The following NTRK3 variants were observed in gnomAD, a reference collection of about 807,000 sequenced individuals.
NTRK3 encodes NT-3 growth factor receptor.
NTRK3 carries 24 observed loss-of-function variants against 91.7 expected under a neutral mutation model. The ratio of observed to expected loss-of-function variants is 0.26; its 90% CI spans 0.19 to 0.37. The LOEUF (loss-of-function observed/expected upper bound fraction) is 0.37, where lower values mean the gene tolerates loss of function less well. NTRK3 is among the 10% of genes least tolerant of loss of function. NTRK3 has a pLI of 1.00. For synonymous variants in NTRK3, 483 were observed against 404.0 expected (o/e 1.20, Z -2.34); for missense variants, 880 against 1,068.9 (o/e 0.82, Z 2.46).
chr15:88,154,152 C>G (rs1312296093), intron 5 of NTRK3, among the ~76,000 whole-genome samples: 1 of 147,202 alleles, frequency 6.8e-6, no homozygotes, highest in African/African-American at 2.5e-5. Context: ...AAGGATGAAA[C>G]TAGCAGCCTA....
chr15:88,000,418 T>C (rs569137674), intron 14 of NTRK3, among the ~76,000 whole-genome samples: 30 of 152,234 alleles, frequency 2.0e-4, no homozygotes, highest in Middle Eastern at 6.8e-3. Flanking sequence ...GGAAATATAA[T>C]TCACAAAACA....
chr15:87,899,916 C>G (rs1291187904), intron 17 of NTRK3, among the ~76,000 whole-genome samples: 1 of 152,154 alleles, frequency 6.6e-6, no homozygotes, highest in Non-Finnish European at 1.5e-5. Flanking sequence ...TTAGCCTTCT[C>G]ACACACCTAA....
Position 88,236,236 on chromosome 15 carries a change from A to G in NTRK3, c.248+19670T>C, listed in dbSNP as rs78183556. 3.6e-3 allele frequency among the ~76,000 whole-genome samples: 552 copies of G among 152,360 alleles called. 2 individuals are homozygous for G. Among genetic ancestry groups the G allele is most frequent in the East Asian group, 0.018 (95 of 5,192 alleles). The stretch of plus-strand genomic sequence containing the variant: ...TAAATTCAGGTTACCCATACAATGT[A>G]ATATCACTTAGCAATAAAAAGGAAC... On this transcript the variant is annotated intron_variant, in intron 3 of 18. Coordinates refer to ENST00000394480, the Ensembl canonical transcript of NTRK3.
intron 13 of NTRK3, among the ~76,000 whole-genome samples, chr15:88,044,582 C>G (rs1165483822): frequency 2.0e-5 from 3 of 148,468 alleles, no homozygotes; most frequent in African/African-American, 5.0e-5. Context: ...CCCCCCCACC[C>G]CACCACCACC....
At chr15:88,123,630 A>G (rs1170779680) in intron 13 of NTRK3, among the ~76,000 whole-genome samples, 2 of 152,224 alleles carry the variant, frequency 1.3e-5, no homozygotes, top group Admixed American at 1.3e-4. Context: ...CTGGGCCACA[A>G]CTTGGTTTTA....
rs1460640235 is a variant in NTRK3 at position 88,234,871 on chromosome 15, C to G, written c.248+21035G>C. Among the ~76,000 whole-genome samples the G allele has an allele frequency of 6.6e-6, 1 of 152,176 alleles. No individual in the cohort carries two copies. Among genetic ancestry groups the G allele is most frequent in the Non-Finnish European group, 1.5e-5 (1 of 68,014 alleles). Reference sequence around the variant, plus strand: ...AACCTCCCACTCCCACCAGCGCACCCTACTCAGCCCTGCTCCCAGGGCCTC... The same window carrying G: ...AACCTCCCACTCCCACCAGCGCACCGTACTCAGCCCTGCTCCCAGGGCCTC... On this transcript the variant is annotated intron_variant, in intron 3 of 18. Coordinates refer to ENST00000394480, the Ensembl canonical transcript of NTRK3. The surrounding 1 kb of genome is among the most constrained non-coding windows in gnomAD (Gnocchi z 6.1).
At chr15:88,169,826 C>G (rs1317934437) in intron 5 of NTRK3, among the ~76,000 whole-genome samples, 2 of 152,180 alleles carry the variant, frequency 1.3e-5, no homozygotes, top group Non-Finnish European at 2.9e-5. Flanking sequence ...CCCAGAAAGC[C>G]TCTTTCAGCT....
At chr15:88,118,549 C>G (rs774600064) in intron 13 of NTRK3, among the ~76,000 whole-genome samples, 12 of 152,148 alleles carry the variant, frequency 7.9e-5, no homozygotes. Context: ...AAGTATGTCA[C>G]CATGATTTTT....
intron 14 of NTRK3, among the ~76,000 whole-genome samples, chr15:88,026,993 A>G (rs758453623): frequency 6.6e-6 from 1 of 152,196 alleles, no homozygotes; most frequent in Non-Finnish European, 1.5e-5. Context: ...AACACCCTAT[A>G]CAGGGCTGTC....
chr15:87,899,804 G>A (rs967449417), intron 17 of NTRK3, among the ~76,000 whole-genome samples: 2 of 152,128 alleles, frequency 1.3e-5, no homozygotes, highest in African/African-American at 2.4e-5. Flanking sequence ...CAGGCTACAG[G>A]CTGCCTTATC....
At chr15:87,925,912 G>A (rs1332233870) in intron 17 of NTRK3, among the ~76,000 whole-genome samples, 1 of 152,240 alleles carries the variant, frequency 6.6e-6, no homozygotes, top group African/African-American at 2.4e-5. Context: ...GCTTGGATGT[G>A]AGGGGGACTA....
At chr15:88,227,711 C>T (rs1369536061) in intron 3 of NTRK3, among the ~76,000 whole-genome samples, 1 of 152,116 alleles carries the variant, frequency 6.6e-6, no homozygotes, top group African/African-American at 2.4e-5. Flanking sequence ...CAGATTAACA[C>T]ACCTGGTAAC....
chr15:88,212,633 C>T (rs79024629), intron 3 of NTRK3, among the ~76,000 whole-genome samples: 4,853 of 151,998 alleles, frequency 0.032, 289 homozygotes, highest in African/African-American at 0.11. Flanking sequence ...CTGACCCTCC[C>T]TTCTCCCAGC....
intron 17 of NTRK3, among the ~76,000 whole-genome samples, chr15:87,905,032 A>G (rs778779505): frequency 2.0e-5 from 3 of 152,200 alleles, no homozygotes; most frequent in Non-Finnish European, 2.9e-5. Context: ...GCAGTAAAGA[A>G]CCAAAACTTG....
intron 3 of NTRK3, among the ~76,000 whole-genome samples, chr15:88,229,890 T>A (rs2051021529): frequency 6.6e-6 from 1 of 152,266 alleles, no homozygotes; most frequent in African/African-American, 2.4e-5. Context: ...GAACATTTGT[T>A]CCGGCTTGGA....
At chr15:87,958,715 C>T (rs2071930676) in intron 14 of NTRK3, among the ~76,000 whole-genome samples, 1 of 152,000 alleles carries the variant, frequency 6.6e-6, no homozygotes, top group South Asian at 2.1e-4. Context: ...CCTGCTGGCA[C>T]CATCCTAGCT....
chr15:88,071,052 G>A (rs919399634), intron 13 of NTRK3, among the ~76,000 whole-genome samples: 1 of 152,128 alleles, frequency 6.6e-6, no homozygotes, highest in Non-Finnish European at 1.5e-5. Flanking sequence ...ATCTGATTAG[G>A]GTTCAATCCT....
chr15:88,176,597 T>C (rs2046020261), intron 5 of NTRK3, among the ~76,000 whole-genome samples: 1 of 152,208 alleles, frequency 6.6e-6, no homozygotes, highest in African/African-American at 2.4e-5. Flanking sequence ...CTGGCTCAGC[T>C]CTTACCCATG....
chr15:88,137,650 C>G (rs888387979), intron 6 of NTRK3, 89 bp from the exon 7 acceptor site: 2 of 1,359,484 alleles, frequency 1.5e-6, no homozygotes, highest in East Asian at 4.8e-5. Context: ...GGGACCCGAC[C>G]TGTTCAGGGA....
Sources: gnomAD v4.1 joint callset for allele counts (sites outside exome capture counted in the v4.1 genomes callset) on GRCh38, gnomAD v4.1.1 for gene constraint, Gnocchi (gnomAD v3.1) non-coding constraint, MANE v1.5 for transcripts, NCBI Gene and HGNC (gene_info 2026-07-23, HGNC 2026-07-21) for gene names.